The following FGD6 variants were observed in gnomAD, a reference collection of about 807,000 sequenced individuals.
The protein encoded by FGD6 is FYVE, RhoGEF and PH domain containing 6.
Under a neutral mutation model 149.4 loss-of-function variants are expected in FGD6, and 90 were observed. The ratio of observed to expected loss-of-function variants is 0.60; its 90% CI spans 0.51 to 0.72. FGD6 has a LOEUF of 0.72. FGD6 is among the 30% of genes least tolerant of loss of function. FGD6 has a pLI of 0.00. For synonymous variants in FGD6, 527 were observed against 584.0 expected (o/e 0.90, Z 1.41); for missense variants, 1,437 against 1,684.8 (o/e 0.85, Z 2.57).
At chr12:95,164,295 G>A (rs1405062206) in intron 3 of FGD6, among the ~76,000 whole-genome samples, 1 of 149,544 alleles carries the variant, frequency 6.7e-6, no homozygotes, top group South Asian at 2.1e-4. Flanking sequence ...AGGCTGGAGT[G>A]CAGTGGCACG....
At chr12:95,136,041 T>G (rs1370352697) in intron 7 of FGD6, among the ~76,000 whole-genome samples, 1 of 152,110 alleles carries the variant, frequency 6.6e-6, no homozygotes, top group East Asian at 1.9e-4. Flanking sequence ...AAATCAGAAA[T>G]CAGCAATACC....
In FGD6 at chr12:95,214,995, G is replaced by A. The variant is rs377440538; in HGVS notation, c.16+2230C>T. Among the ~76,000 whole-genome samples, 6 of 151,626 alleles carry A rather than the reference G, an allele frequency of 4.0e-5. No homozygotes were observed. In the South Asian group the frequency reaches 6.3e-4, roughly 16 times the overall value. ...TTCATATCAGCCTCCCGAATAGCTG[G>A]GACTACAGGCGCACCCCACCACACC... On this transcript the variant is annotated intron_variant, in intron 1 of 20. Transcript: ENST00000343958.
At chr12:95,198,820 GT>G (rs1328773379) in intron 2 of FGD6, among the ~76,000 whole-genome samples, 1 of 152,180 alleles carries the variant, frequency 6.6e-6, no homozygotes, top group Non-Finnish European at 1.5e-5. Flanking sequence ...TAGACTTTTG[GT>G]GAGGTGGAGT....
At chr12:95,199,614 C>CCTTT (rs1881817772) in intron 2 of FGD6, among the ~76,000 whole-genome samples, 1 of 128,708 alleles carries the variant, frequency 7.8e-6, no homozygotes, top group Non-Finnish European at 1.6e-5. Context: ...GAAAAGCTAC[C>CCTTT]TTTTTTTTTT....
chr12:95,215,409 TC>T (rs1214742172), intron 1 of FGD6, among the ~76,000 whole-genome samples: 4 of 152,174 alleles, frequency 2.6e-5, no homozygotes, highest in Non-Finnish European at 5.9e-5. Flanking sequence ...TGACTATTGT[TC>T]CCAAAAAGCA....
intron 2 of FGD6, among the ~76,000 whole-genome samples, chr12:95,186,805 G>A (rs546831136): frequency 6.6e-5 from 10 of 152,258 alleles, no homozygotes; most frequent in East Asian, 1.9e-4. Context: ...GCCTGTGTTC[G>A]AATCCGAGTT....
At chr12:95,100,851 G>A (rs570163500) in intron 14 of FGD6, 25 of 393,946 alleles carry the variant, frequency 6.3e-5, no homozygotes, top group African/African-American at 5.2e-4. Context: ...TGGGCATGCT[G>A]GATCCTCCTG....
chr12:95,107,009 G>A lies in FGD6; in HGVS notation c.3362C>T (p.Pro1121Leu), dbSNP rs377226513. 1 of 1,613,278 alleles carries A rather than the reference G, an allele frequency of 6.2e-7. No homozygotes were observed. Among genetic ancestry groups the A allele is most frequent in the African/African-American group, 1.3e-5 (1 of 74,860 alleles). The change falls in exon 13 of 21, where the codon CCA becomes CTA. Residue 1121 changes from proline (P) to leucine (L), a missense_variant. Pro to Leu is a moderately conservative substitution (Grantham distance 98, BLOSUM62 -3). Coordinates refer to ENST00000343958, the MANE Select transcript of FGD6 (RefSeq NM_018351.4). The stretch of plus-strand genomic sequence containing the variant: ...CAGTTTATACATCCCAGACTGCACT[G>A]GTGTTGTATACAGCAGGGCATCATT... ...LFNDALLYTTPVQSGMYKLNN... is the reference protein window; with the variant it reads ...LFNDALLYTTLVQSGMYKLNN...
chr12:95,099,472 C>T (rs1396494727), intron 14 of FGD6, among the ~76,000 whole-genome samples: 10 of 152,084 alleles, frequency 6.6e-5, no homozygotes, highest in Non-Finnish European at 1.3e-4. Flanking sequence ...CATGGCATAC[C>T]GATGACATTC....
At chr12:95,164,084 T>C (rs1056585781) in intron 3 of FGD6, among the ~76,000 whole-genome samples, 5 of 152,230 alleles carry the variant, frequency 3.3e-5, no homozygotes, top group Admixed American at 6.5e-5. Flanking sequence ...AAGTACACTG[T>C]TGTGGAAGTT....
At chr12:95,124,201 C>T (rs1592842287) in intron 8 of FGD6, among the ~76,000 whole-genome samples, 1 of 152,046 alleles carries the variant, frequency 6.6e-6, no homozygotes, top group Non-Finnish European at 1.5e-5. Flanking sequence ...CGTGAGCCAC[C>T]GTACCTGGCC....
chr12:95,213,825 C>T (rs986660684), intron 1 of FGD6, among the ~76,000 whole-genome samples: 3 of 152,172 alleles, frequency 2.0e-5, no homozygotes, highest in Non-Finnish European at 2.9e-5. Context: ...AAACCCTCAA[C>T]GCATACTCAC....
In FGD6 at chr12:95,102,443, C is replaced by CAA. The variant is rs55926317; in HGVS notation, c.3497+2562_3497+2563dup. Among the ~76,000 whole-genome samples, 174 of 104,060 alleles carry CAA rather than the reference C, an allele frequency of 1.7e-3. 4 individuals are homozygous for CAA. The highest frequency in any genetic ancestry group is 4.2e-3 in the African/African-American group (114 of 27,060). 68.3% of individuals were successfully genotyped at this position (104,060 alleles called of 152,430 possible). On this transcript the variant is annotated intron_variant, in intron 14 of 20. Coordinates refer to ENST00000343958, the MANE Select transcript of FGD6 (RefSeq NM_018351.4). ...TGGGTGACAGAGCGAGACCCTTTCT[C>CAA]AAAAAAAAAAAAAAAAAAAAAAAAC...
At position 95,210,338 on chromosome 12, in the gene FGD6, T is replaced by C; in HGVS notation, c.946A>G (p.Lys316Glu). 3 of 1,613,954 alleles carry C rather than the reference T, an allele frequency of 1.9e-6. No homozygotes were observed. The highest frequency in any genetic ancestry group is 2.5e-6 in the Non-Finnish European group (3 of 1,179,986). ...VPYTPKFPTP[K>E]PRKTRTARLL... ...CGAGCAGTTCGTGTCTTTCTGGGCT[T>C]GGGAGTTGGAAATTTTGGGGTATAT... The change falls in exon 2 of 21, where the codon AAG becomes GAG. Residue 316 changes from lysine to glutamate, a missense_variant. By Grantham distance (56) the Lys-to-Glu change is moderately conservative (BLOSUM62 1). This residue lies in a region of FGD6 where 1,055 missense variants were observed against 1,146.0 expected (regional missense o/e 0.92). Coordinates refer to ENST00000343958, the MANE Select transcript of FGD6 (RefSeq NM_018351.4).
chr12:95,145,707 T>C (rs1371145323), intron 5 of FGD6, among the ~76,000 whole-genome samples: 1 of 152,148 alleles, frequency 6.6e-6, no homozygotes, highest in South Asian at 2.1e-4. Context: ...AGATGGAGTT[T>C]TGCTCTGTCG....
chr12:95,202,678 G>A (rs2056669578), intron 2 of FGD6, among the ~76,000 whole-genome samples: 2 of 152,004 alleles, frequency 1.3e-5, no homozygotes, highest in Non-Finnish European at 2.9e-5. Context: ...ACAGGTATGA[G>A]CCACCATGCC....
At chr12:95,155,871 G>A (rs1002981949) in intron 3 of FGD6, among the ~76,000 whole-genome samples, 37 of 152,264 alleles carry the variant, frequency 2.4e-4, no homozygotes, top group South Asian at 2.1e-3. Flanking sequence ...AAGATTTCAC[G>A]GACATTTATT....
chr12:95,122,166 G>GT (rs569545465), intron 8 of FGD6, among the ~76,000 whole-genome samples: 481 of 152,112 alleles, frequency 3.2e-3, no homozygotes, highest in African/African-American at 0.011. Context: ...ATTTTGACAA[G>GT]TAACAATAAA....
chr12:95,150,169 A>T (rs1194650019), intron 5 of FGD6, among the ~76,000 whole-genome samples: 2 of 151,778 alleles, frequency 1.3e-5, no homozygotes, highest in Non-Finnish European at 2.9e-5. Flanking sequence ...CTGGGATTAC[A>T]GACATGTGCC....
Sources: allele counts gnomAD v4.1 joint callset (sites outside exome capture counted in the v4.1 genomes callset), GRCh38; gene constraint gnomAD v4.1.1; regional missense constraint gnomAD v4.1.1; transcripts MANE v1.5; gene names NCBI Gene and HGNC (gene_info 2026-07-23, HGNC 2026-07-21).